DLG2: variants seen among roughly 807,000 people sequenced by gnomAD.
The protein encoded by DLG2 is disks large homolog 2.
Under a neutral mutation model 132.5 loss-of-function variants are expected in DLG2, and 45 were observed. That is an observed-to-expected ratio of 0.34 (90% CI 0.27 to 0.44). The LOEUF (loss-of-function observed/expected upper bound fraction) is 0.44. DLG2 is among the 20% of genes least tolerant of loss of function. DLG2 has a pLI of 1.00. For synonymous variants in DLG2, 424 were observed against 419.6 expected (o/e 1.01, Z -0.13); for missense variants, 1,045 against 1,196.9 (o/e 0.87, Z 1.87).
At chr11:83,665,965 C>G (rs1019697927) in intron 18 of DLG2, among the ~76,000 whole-genome samples, 10 of 152,056 alleles carry the variant, frequency 6.6e-5, no homozygotes, top group Non-Finnish European at 1.3e-4. Context: ...TTTTCTCAGG[C>G]CCCCTCCAAC....
chr11:85,304,161 A>G (rs925029091), intron 3 of DLG2, among the ~76,000 whole-genome samples: 14 of 152,204 alleles, frequency 9.2e-5, no homozygotes, highest in Non-Finnish European at 1.9e-4. Context: ...GTGGAACCCT[A>G]CATTTTCCAG....
chr11:83,926,633 A>G (rs2079024427), intron 15 of DLG2, among the ~76,000 whole-genome samples: 1 of 152,106 alleles, frequency 6.6e-6, no homozygotes. Flanking sequence ...AGATTCTAGA[A>G]TATTTATATT....
At chr11:84,861,157 G>T (rs1035284120) in intron 6 of DLG2, among the ~76,000 whole-genome samples, 1 of 152,098 alleles carries the variant, frequency 6.6e-6, no homozygotes, top group Non-Finnish European at 1.5e-5. Flanking sequence ...GTTGCTTGAG[G>T]GTCAGGGAAC....
intron 9 of DLG2, among the ~76,000 whole-genome samples, chr11:84,139,944 G>A (rs1186435965): frequency 6.6e-6 from 1 of 152,110 alleles, no homozygotes; most frequent in Non-Finnish European, 1.5e-5. Flanking sequence ...TTTTAGAAAA[G>A]TAAATTTAAA....
intron 3 of DLG2, among the ~76,000 whole-genome samples, chr11:85,457,558 T>G (rs2092462971): frequency 6.6e-6 from 1 of 152,240 alleles, no homozygotes; most frequent in African/African-American, 2.4e-5. Flanking sequence ...TTAAGCATGT[T>G]TTTGTAGTGG....
chr11:84,882,934 T>C (rs2087588727), intron 6 of DLG2, among the ~76,000 whole-genome samples: 3 of 152,050 alleles, frequency 2.0e-5, no homozygotes. Context: ...GAATTTGCCA[T>C]TTGACCCAGC....
chr11:83,990,030 A>C (rs886248322), intron 11 of DLG2, among the ~76,000 whole-genome samples: 3 of 152,162 alleles, frequency 2.0e-5, no homozygotes, highest in African/African-American at 7.2e-5. Flanking sequence ...TCTCACCCCA[A>C]AACGCTGATT....
intron 7 of DLG2, among the ~76,000 whole-genome samples, chr11:84,500,149 G>T (rs1434625508): frequency 6.6e-6 from 1 of 151,996 alleles, no homozygotes; most frequent in Non-Finnish European, 1.5e-5. Flanking sequence ...AATAAACATG[G>T]TCGTATGATA....
chr11:83,818,033 G>C (rs2049573838), intron 17 of DLG2, among the ~76,000 whole-genome samples: 1 of 152,146 alleles, frequency 6.6e-6, no homozygotes, highest in African/African-American at 2.4e-5. Flanking sequence ...ATTGGAGCTG[G>C]AAGGGCCTTT....
At chr11:85,396,256 G>A (rs7116045) in intron 3 of DLG2, among the ~76,000 whole-genome samples, 5,310 of 152,164 alleles carry the variant, frequency 0.035, 144 homozygotes, top group Admixed American at 0.049. Flanking sequence ...CATCCACACC[G>A]AAACCCCATC....
chr11:84,670,441 G>C (rs959514045), intron 6 of DLG2, among the ~76,000 whole-genome samples: 11 of 152,100 alleles, frequency 7.2e-5, no homozygotes, highest in South Asian at 2.1e-4. Context: ...CCTCTGCCCA[G>C]GGCTGCGGGA....
At chr11:83,924,307 G>A (rs1333937045) in intron 15 of DLG2, among the ~76,000 whole-genome samples, 1 of 152,080 alleles carries the variant, frequency 6.6e-6, no homozygotes. Flanking sequence ...CACTCTGCAA[G>A]GAAAGAAAGC....
rs372301941 is a variant in DLG2, at chr11:84,307,683, G to A, written c.520-56392C>T. 8.3e-5 allele frequency among the ~76,000 whole-genome samples: 9 copies of A among 107,810 alleles called. No homozygotes were observed. In the East Asian group the frequency reaches 1.7e-3, roughly 20 times the overall value. 70.7% of individuals were successfully genotyped at this position (107,810 alleles called of 152,430 possible). A position where few individuals can be genotyped will look rare whatever the true frequency, so the allele number is the denominator to read the frequency against. ...TGCAGTCCGGCCTGGGTGAAAGAGC[G>A]AGACGCAGTCTCAAAAAAAAAAAAA... On this transcript the variant is annotated intron_variant, in intron 7 of 27. Coordinates refer to ENST00000376104, the MANE Select transcript of DLG2 (RefSeq NM_001142699.3).
chr11:83,505,545 C>T lies in DLG2; in HGVS notation c.2194-21317G>A, dbSNP rs368963422. ...GACTCACATGGGATACAAATATCTTCATGTTTTTTTACCTCTCAGAGAGGT... is the reference window on the plus strand; with the variant it reads ...GACTCACATGGGATACAAATATCTTTATGTTTTTTTACCTCTCAGAGAGGT... On this transcript the variant is annotated intron_variant, in intron 21 of 27. Transcript: ENST00000376104. Among the ~76,000 whole-genome samples the T allele has an allele frequency of 2.6e-5, 4 of 152,220 alleles. No individual in the cohort carries two copies. In the East Asian group the frequency reaches 7.7e-4, roughly 29 times the overall value.
chr11:84,756,869 C>G (rs2066952376), intron 6 of DLG2, among the ~76,000 whole-genome samples: 1 of 152,062 alleles, frequency 6.6e-6, no homozygotes, highest in African/African-American at 2.4e-5. Flanking sequence ...AAAGATTGAA[C>G]ACCACTGGTT....
At chr11:84,003,261 C>G (rs1013185153) in intron 11 of DLG2, among the ~76,000 whole-genome samples, 3 of 152,194 alleles carry the variant, frequency 2.0e-5, no homozygotes, top group Admixed American at 6.6e-5. Flanking sequence ...AAGGTCCAAA[C>G]TTTCTCACAT....
intron 4 of DLG2, among the ~76,000 whole-genome samples, chr11:85,211,831 T>C (rs1242227817): frequency 2.0e-5 from 3 of 152,122 alleles, no homozygotes; most frequent in Non-Finnish European, 4.4e-5. Context: ...TTATTAGTCA[T>C]TTGGGAGCTA....
At chr11:85,136,291 A>G (rs889294586) in intron 5 of DLG2, among the ~76,000 whole-genome samples, 1 of 152,180 alleles carries the variant, frequency 6.6e-6, no homozygotes, top group Admixed American at 6.5e-5. Flanking sequence ...TAACTGGATA[A>G]TGTATGTAGG....
At chr11:84,876,176 ATC>A (rs1566234919) in intron 6 of DLG2, among the ~76,000 whole-genome samples, 1 of 152,226 alleles carries the variant, frequency 6.6e-6, no homozygotes, top group Non-Finnish European at 1.5e-5. Context: ...TAATCTAAAT[ATC>A]TCTTTTTGAT....
Sources: allele counts gnomAD v4.1 joint callset (sites outside exome capture counted in the v4.1 genomes callset), GRCh38; gene constraint gnomAD v4.1.1; transcripts MANE v1.5; gene names NCBI Gene and HGNC (gene_info 2026-07-23, HGNC 2026-07-21).